Variants in MYO1E observed in about 807,000 individuals in gnomAD.
MYO1E encodes unconventional myosin-Ie.
Under a neutral mutation model 151.1 loss-of-function variants are expected in MYO1E, and 68 were observed. That is an observed-to-expected ratio of 0.45 (90% CI 0.37 to 0.55). MYO1E has a LOEUF of 0.55. Among genes scored for constraint, MYO1E ranks in the 20% least tolerant of loss-of-function variants. MYO1E has a pLI of 0.00. For synonymous variants in MYO1E, 601 were observed against 501.7 expected (o/e 1.20, Z -2.64); for missense variants, 1,363 against 1,389.3 (o/e 0.98, Z 0.30).
At chr15:59,201,693 C>A (rs530977356) in intron 16 of MYO1E, among the ~76,000 whole-genome samples, 2 of 152,250 alleles carry the variant, frequency 1.3e-5, no homozygotes, top group East Asian at 3.9e-4. Context: ...CGTGAGCCAC[C>A]GCACCCAGCC....
intron 1 of MYO1E, among the ~76,000 whole-genome samples, chr15:59,291,170 A>G (rs745584011): frequency 2.6e-5 from 4 of 152,130 alleles, no homozygotes; most frequent in Non-Finnish European, 5.9e-5. Flanking sequence ...TTTGTACGAT[A>G]CTCTGTTCCC....
chr15:59,183,719 A>G (rs1329899631), intron 18 of MYO1E, among the ~76,000 whole-genome samples: 1 of 152,164 alleles, frequency 6.6e-6, no homozygotes, highest in African/African-American at 2.4e-5. Flanking sequence ...TAAAATGTAC[A>G]GTTAAATTAT....
intron 1 of MYO1E, among the ~76,000 whole-genome samples, chr15:59,312,524 G>A (rs1313078618): frequency 6.6e-6 from 1 of 152,142 alleles, no homozygotes; most frequent in African/African-American, 2.4e-5. Flanking sequence ...TTTTTTAAGA[G>A]ACAGAATCTT....
At chr15:59,329,080 A>G (rs1352569666) in intron 1 of MYO1E, among the ~76,000 whole-genome samples, 3 of 152,262 alleles carry the variant, frequency 2.0e-5, no homozygotes, top group African/African-American at 7.2e-5. Context: ...AGTAATAATG[A>G]GAATATTATT....
Position 59,207,800 on chromosome 15 carries a change from C to T in MYO1E, c.1530+881G>A, listed in dbSNP as rs1223832717. On this transcript the variant is annotated intron_variant, in intron 14 of 27. Transcript: ENST00000288235. ...GTCCACAAAGAAGTGACTGCAACTGCCTATGAGATTATTAAAATGAAAGGT... is the reference window on the plus strand; with the variant it reads ...GTCCACAAAGAAGTGACTGCAACTGTCTATGAGATTATTAAAATGAAAGGT... The T allele has an allele frequency of 3.1e-6, 5 of 1,614,176 alleles. No individual in the cohort carries two copies. In the Admixed American group the frequency reaches 5.0e-5, roughly 16 times the overall value.
rs2080730086 is a variant in MYO1E, at chr15:59,336,593, T to A, written c.3+35905A>T. On this transcript the variant is annotated intron_variant, in intron 1 of 27. Coordinates refer to ENST00000288235, the MANE Select transcript of MYO1E (RefSeq NM_004998.4). ...TCACATAGTACACCCCTGGTCTTTT[T>A]TTGTTTTGTTTTGTTTTTTAATTAT... Among the ~76,000 whole-genome samples, 4 of 152,256 alleles carry A rather than the reference T, an allele frequency of 2.6e-5. No homozygotes were observed. The South Asian group carries it at 8.3e-4, about 32-fold the overall frequency.
intron 1 of MYO1E, among the ~76,000 whole-genome samples, chr15:59,364,632 G>A (rs1042007745): frequency 3.9e-5 from 6 of 152,168 alleles, no homozygotes; most frequent in Admixed American, 6.5e-5. Flanking sequence ...TTTGAGGCCC[G>A]GTGTGGTGGC....
At chr15:59,303,934 C>A (rs1596408520) in intron 1 of MYO1E, among the ~76,000 whole-genome samples, 1 of 151,906 alleles carries the variant, frequency 6.6e-6, no homozygotes, top group East Asian at 1.9e-4. Flanking sequence ...TAAAGTGATG[C>A]CTGGAGGAGT....
chr15:59,264,517 C>T (rs2080242116), intron 2 of MYO1E, among the ~76,000 whole-genome samples: 1 of 152,070 alleles, frequency 6.6e-6, no homozygotes, highest in South Asian at 2.1e-4. Context: ...AGTATGTTCC[C>T]CAGTAATATT....
At chr15:59,298,847 C>G (rs2080466311) in intron 1 of MYO1E, among the ~76,000 whole-genome samples, 1 of 152,224 alleles carries the variant, frequency 6.6e-6, no homozygotes. Flanking sequence ...ACCTTTGATT[C>G]CCGCCATTCT....
intron 3 of MYO1E, among the ~76,000 whole-genome samples, chr15:59,257,004 C>T (rs1455725370): frequency 6.6e-6 from 1 of 152,150 alleles, no homozygotes; most frequent in Admixed American, 6.5e-5. Flanking sequence ...AAAATCCTAC[C>T]ACGCTAAGAT....
intron 1 of MYO1E, among the ~76,000 whole-genome samples, chr15:59,356,324 GAC>G (rs2140437936): frequency 6.6e-6 from 1 of 152,102 alleles, no homozygotes; most frequent in East Asian, 1.9e-4. Flanking sequence ...AGTGGGGAGT[GAC>G]ACACATCAGA....
intron 26 of MYO1E, among the ~76,000 whole-genome samples, chr15:59,143,538 C>T (rs571778488): frequency 2.6e-5 from 4 of 152,162 alleles, no homozygotes; most frequent in Non-Finnish European, 5.9e-5. Context: ...CATGTCTACA[C>T]CCTTCTTGTG....
rs368001329 is a variant in MYO1E, at chr15:59,285,350, CTTTTTTTT to C, written c.4-12909_4-12902del. On this transcript the variant is annotated intron_variant, in intron 1 of 27. Coordinates refer to ENST00000288235, the MANE Select transcript of MYO1E (RefSeq NM_004998.4). The stretch of plus-strand genomic sequence containing the variant: ...CTGGGCAACACGCAAGACACTGTCT[CTTTTTTTT>C]TTTTTTTTTTTTTTTTTGAGACGGA... Among the ~76,000 whole-genome samples the C allele has an allele frequency of 9.4e-3, 698 of 74,118 alleles. 9 individuals carry two copies. Among genetic ancestry groups the C allele is most frequent in the African/African-American group, 0.035 (659 of 18,966 alleles). The allele number at this position is 74,118 out of a possible 152,430, so 48.6% of individuals were successfully genotyped here.
chr15:59,241,249 G>A (rs1258858872), intron 4 of MYO1E, among the ~76,000 whole-genome samples: 1 of 152,196 alleles, frequency 6.6e-6, no homozygotes, highest in Non-Finnish European at 1.5e-5. Flanking sequence ...GGAGACAGTG[G>A]CTCACACCTG....
At chr15:59,175,596 C>T (rs1267513629) in intron 19 of MYO1E, among the ~76,000 whole-genome samples, 1 of 152,206 alleles carries the variant, frequency 6.6e-6, no homozygotes, top group Non-Finnish European at 1.5e-5. Context: ...TTCTAAACCC[C>T]AAGTGGAATG....
At chr15:59,295,656 G>A (rs745533491) in intron 1 of MYO1E, among the ~76,000 whole-genome samples, 36 of 152,084 alleles carry the variant, frequency 2.4e-4, no homozygotes, top group Non-Finnish European at 4.1e-4. Context: ...CAACTTAGCC[G>A]TTAATCATCC....
intron 22 of MYO1E, among the ~76,000 whole-genome samples, chr15:59,170,098 T>G (rs1160745299): frequency 6.6e-6 from 1 of 152,086 alleles, no homozygotes; most frequent in African/African-American, 2.4e-5. Flanking sequence ...GAGGCAGAAG[T>G]TGCAGTGAGC....
intron 1 of MYO1E, among the ~76,000 whole-genome samples, chr15:59,312,833 C>T (rs1191097362): frequency 1.3e-5 from 2 of 151,846 alleles, no homozygotes; most frequent in African/African-American, 4.8e-5. Context: ...ATCTGGCTAA[C>T]ACAATGAAAC....
Sources: allele counts gnomAD v4.1 joint callset (sites outside exome capture counted in the v4.1 genomes callset), GRCh38; gene constraint gnomAD v4.1.1; transcripts MANE v1.5; gene names NCBI Gene and HGNC (gene_info 2026-07-23, HGNC 2026-07-21).